Variants in TMEM64 observed in about 807,000 individuals in gnomAD.
TMEM64 encodes the protein transmembrane protein 64.
Under a neutral mutation model 24.5 loss-of-function variants are expected in TMEM64, and 19 were observed. The observed-to-expected ratio is 0.78, with a 90% CI of 0.54 to 1.14. TMEM64 has a LOEUF of 1.14. Among genes scored for constraint, TMEM64 ranks in the 50% most tolerant of loss-of-function variants. TMEM64 has a pLI of 0.00. For synonymous variants in TMEM64, 262 were observed against 224.7 expected, an observed-to-expected ratio of 1.17 and a Z score of -1.49; for missense variants, 487 against 493.0, an observed-to-expected ratio of 0.99 and a Z score of 0.12.
At chr8:90,627,053 A>AT (rs1278479041) in intron 2 of TMEM64, among the ~76,000 whole-genome samples, 1 of 152,196 alleles carries the variant, frequency 6.6e-6, no homozygotes, top group African/African-American at 2.4e-5. Context: ...AGCAGGTGTT[A>AT]TTTAATGTCC....
rs1260926080 is a variant in TMEM64 at position 90,622,565 on chromosome 8, T to C, written c.*3106A>G. 1.3e-5 allele frequency: 2 copies of C among 152,200 alleles called. No individual in the cohort carries two copies. The highest frequency in any genetic ancestry group is 2.9e-5 in the Non-Finnish European group (2 of 68,048). 9.4% of individuals were successfully genotyped at this position (152,200 alleles called of 1,614,324 possible). On this transcript the variant is annotated 3_prime_UTR_variant, in exon 3 of 3. Coordinates refer to ENST00000458549, the MANE Select transcript of TMEM64 (RefSeq NM_001008495.4). ...AACTTTCTCAAGCATTCTAAAGATA[T>C]CCCCAGAGCTAACAAATATTGACAT...
chr8:90,637,161 A>C (rs1472953479), intron 1 of TMEM64, among the ~76,000 whole-genome samples: 1 of 152,182 alleles, frequency 6.6e-6, no homozygotes, highest in Admixed American at 6.5e-5. Flanking sequence ...GAAGAGCAAG[A>C]GCTGATTCAC....
rs776979338 is a variant in TMEM64, at chr8:90,645,707, C to T, written c.199G>A (p.Gly67Ser). ...AAAAASGALL[G>S]AYLERHGPPE... The stretch of plus-strand genomic sequence containing the variant: ...GGACCGTGGCGCTCCAGATAGGCGC[C>T]GAGCAGGGCGCCCGAGGCCGCCGCT... Residue 67 changes from glycine (G) to serine (S), a missense_variant, in exon 1 of 3, where the codon GGC becomes AGC. Around this residue, in one of 3 missense-constraint regions of TMEM64, gnomAD observed 419 missense variants for 407.5 expected, o/e 1.03. Coordinates refer to ENST00000458549, the MANE Select transcript of TMEM64 (RefSeq NM_001008495.4). The surrounding 1 kb of genome is among the most constrained non-coding windows in gnomAD (Gnocchi z 4.2). The T allele has an allele frequency of 1.4e-5, 17 of 1,250,238 alleles. No individual in the cohort carries two copies. The highest frequency in any genetic ancestry group is 3.1e-4 in the Middle Eastern group (1 of 3,274). 77.4% of individuals were successfully genotyped at this position (1,250,238 alleles called of 1,614,324 possible).
In TMEM64 at chr8:90,645,843, G is replaced by A. The variant is rs1396084306; in HGVS notation, c.63C>T (p.Leu21=). 3.6e-6 allele frequency: 4 copies of A among 1,110,106 alleles called. No homozygotes were observed. The highest frequency in any genetic ancestry group is 4.3e-5 in the South Asian group (1 of 23,260). The allele number at this position is 1,110,106 out of a possible 1,614,324, so 68.8% of individuals were successfully genotyped here. The change falls in exon 1 of 3, where the codon CTC becomes CTT. Residue 21 remains leucine, a synonymous_variant. Coordinates refer to ENST00000458549, the MANE Select transcript of TMEM64 (RefSeq NM_001008495.4). The surrounding 1 kb of genome is among the most constrained non-coding windows in gnomAD (Gnocchi z 4.2). ...GGGCCGGCAGCTCGGCGAGGCCCGG[G>A]AGGGCGGCGTGCTGCAGCAGCCGGG... ...ALPRLLQHAA[L]PGLAELPARW... is the part of the protein sequence containing the mutation.
chr8:90,628,325 C>T (rs1809391315), intron 2 of TMEM64, among the ~76,000 whole-genome samples: 2 of 152,146 alleles, frequency 1.3e-5, no homozygotes, highest in South Asian at 4.1e-4. Context: ...TCAGGGGTTT[C>T]TCAGTTGAAG....
At chr8:90,631,886 T>C (rs1025294100) in intron 1 of TMEM64, among the ~76,000 whole-genome samples, 179 bp from the exon 2 acceptor site, 8 of 152,210 alleles carry the variant, frequency 5.3e-5, no homozygotes, top group Admixed American at 2.0e-4. Flanking sequence ...ATGTAGAAAA[T>C]TTAGAATGAA....
At chr8:90,642,414 T>A (rs372833784) in intron 1 of TMEM64, among the ~76,000 whole-genome samples, 2 of 112,178 alleles carry the variant, frequency 1.8e-5, no homozygotes, top group African/African-American at 6.9e-5. Context: ...TTAACTGGAA[T>A]TTTTTTCTTT....
chr8:90,641,295 CCAGTAA>C (rs1809601125), intron 1 of TMEM64, among the ~76,000 whole-genome samples: 1 of 152,130 alleles, frequency 6.6e-6, no homozygotes, highest in African/African-American at 2.4e-5. Context: ...CAGCTGTATT[CCAGTAA>C]CACTATTTAC....
chr8:90,631,598 A>T lies in TMEM64; in HGVS notation c.905T>A (p.Val302Asp). ...LGTTLRTMEDVIAEQSVSGYF... is the reference protein window; with the variant it reads ...LGTTLRTMEDDIAEQSVSGYF... ...TCCACTAACACTCTGTTCTGCAATG[A>T]CATCTTCCATTGTCCGCAGGGTGGT... The change falls in exon 2 of 3, where the codon GTC becomes GAC. Residue 302 changes from valine to aspartate, a missense_variant. Physicochemically the swap from Val to Asp is radical, Grantham distance 152. Transcript: ENST00000458549. 1.9e-6 allele frequency: 3 copies of T among 1,613,402 alleles called. No individual in the cohort carries two copies. Among genetic ancestry groups the T allele is most frequent in the Non-Finnish European group, 2.5e-6 (3 of 1,179,436 alleles).
At position 90,645,641 on chromosome 8, in the gene TMEM64, C is replaced by G; in HGVS notation, c.265G>C (p.Ala89Pro). The G allele has an allele frequency of 1.3e-6, 2 of 1,532,732 alleles. No individual in the cohort carries two copies. The highest frequency in any genetic ancestry group is 1.7e-6 in the Non-Finnish European group (2 of 1,144,624). 94.9% of individuals were successfully genotyped at this position (1,532,732 alleles called of 1,614,324 possible). ...SELPEPGGAL[A>P]GGPGSGGGGV... ...CCGCCGCCACTCCCGGGGCCGCCCG[C>G]CAAGGCCCCGCCCGGCTCCGGCAGC... The change falls in exon 1 of 3, where the codon GCG (alanine) becomes CCG (proline). Residue 89 changes from alanine to proline, a missense_variant. Physicochemically the swap from Ala to Pro is conservative, Grantham distance 27. Transcript: ENST00000458549. The surrounding 1 kb of genome is among the most constrained non-coding windows in gnomAD (Gnocchi z 4.2).
At position 90,622,687 on chromosome 8, in the gene TMEM64, TACA is replaced by T. The variant is rs1168347283; in HGVS notation, c.*2981_*2983del. ...TATGCTTATACCTGCACCACTTAGT[TACA>T]ACAAGGGGAAATAAGAGTAACTAAT... On this transcript the variant is annotated 3_prime_UTR_variant, in exon 3 of 3. Transcript: ENST00000458549. 1 of 152,176 alleles carries T rather than the reference TACA, an allele frequency of 6.6e-6. No individual in the cohort carries two copies. The highest frequency in any genetic ancestry group is 2.4e-5 in the African/African-American group (1 of 41,440). 9.4% of individuals were successfully genotyped at this position (152,176 alleles called of 1,614,324 possible).
Position 90,625,574 on chromosome 8 carries a change from T to G in TMEM64, c.*97A>C. Reference sequence around the variant, plus strand: ...AAAAACTAGTCAGTTTTGTTTGTGCTGTAATACAATTAGAACTTGTCTCTG... The same window carrying G: ...AAAAACTAGTCAGTTTTGTTTGTGCGGTAATACAATTAGAACTTGTCTCTG... On this transcript the variant is annotated 3_prime_UTR_variant, in exon 3 of 3. Coordinates refer to ENST00000458549, the MANE Select transcript of TMEM64 (RefSeq NM_001008495.4). The G allele has an allele frequency of 2.0e-6, 2 of 1,008,438 alleles. No homozygotes were observed. The highest frequency in any genetic ancestry group is 4.0e-5 in the South Asian group (2 of 49,574). The allele number at this position is 1,008,438 out of a possible 1,614,324, so 62.5% of individuals were successfully genotyped here. A position where few individuals can be genotyped will look rare whatever the true frequency, so the allele number is the denominator to read the frequency against.
chr8:90,640,313 A>G (rs900236139), intron 1 of TMEM64, among the ~76,000 whole-genome samples: 3 of 152,226 alleles, frequency 2.0e-5, no homozygotes. Flanking sequence ...CTCTATCTAC[A>G]GCACAGAATA....
chr8:90,645,348 G>A lies in TMEM64; in HGVS notation c.558C>T (p.Gly186=). 6.4e-7 allele frequency: 1 copy of A among 1,554,562 alleles called. No homozygotes were observed. The highest frequency in any genetic ancestry group is 8.7e-7 in the Non-Finnish European group (1 of 1,148,592). ...WGYIVLNVAA[G]YLYGFVLGMG... Reference sequence around the variant, plus strand: ...TGCCCAGCACGAAGCCGTACAGGTAGCCAGCGGCCACGTTGAGCACGATGT... The same window carrying A: ...TGCCCAGCACGAAGCCGTACAGGTAACCAGCGGCCACGTTGAGCACGATGT... Residue 186 remains glycine, a synonymous_variant, in exon 1 of 3, where the codon GGC becomes GGT. Coordinates refer to ENST00000458549, the MANE Select transcript of TMEM64 (RefSeq NM_001008495.4). The surrounding 1 kb of genome is among the most constrained non-coding windows in gnomAD (Gnocchi z 4.2).
chr8:90,631,768 A>T, intron 1 of TMEM64, 61 bp from the exon 2 acceptor site: 1 of 1,459,692 alleles, frequency 6.9e-7, no homozygotes, highest in Non-Finnish European at 9.5e-7. Flanking sequence ...TCAACATAAA[A>T]AAATGTGTGT....
At position 90,624,750 on chromosome 8, in the gene TMEM64, T is replaced by G. The variant is rs1809329445; in HGVS notation, c.*921A>C. 2 of 152,524 alleles carry G rather than the reference T, an allele frequency of 1.3e-5. No individual in the cohort carries two copies. Among genetic ancestry groups the G allele is most frequent in the South Asian group, 4.1e-4 (2 of 4,828 alleles). The allele number at this position is 152,524 out of a possible 1,614,324, so 9.4% of individuals were successfully genotyped here. Reference sequence around the variant, plus strand: ...TTGGTTTTTAAAAAAGGCGTTTTGATCAAACAAGGCCACCTGAGTGACATC... The same window carrying G: ...TTGGTTTTTAAAAAAGGCGTTTTGAGCAAACAAGGCCACCTGAGTGACATC... On this transcript the variant is annotated 3_prime_UTR_variant, in exon 3 of 3. Coordinates refer to ENST00000458549, the MANE Select transcript of TMEM64 (RefSeq NM_001008495.4).
rs554046956 is a variant in TMEM64, at chr8:90,623,022, G to A, written c.*2649C>T. ...ATACATTTTTTTTAAAGGTGCTATT[G>A]TAAAATAACCTACATGACAAAATTT... On this transcript the variant is annotated 3_prime_UTR_variant, in exon 3 of 3. Transcript: ENST00000458549. 8 of 151,972 alleles carry A rather than the reference G, an allele frequency of 5.3e-5. No individual in the cohort carries two copies. The highest frequency in any genetic ancestry group is 1.2e-4 in the Non-Finnish European group (8 of 67,988). The allele number at this position is 151,972 out of a possible 1,614,324, so 9.4% of individuals were successfully genotyped here.
At chr8:90,643,595 G>C (rs1017620872) in intron 1 of TMEM64, among the ~76,000 whole-genome samples, 1 of 152,114 alleles carries the variant, frequency 6.6e-6, no homozygotes, top group Non-Finnish European at 1.5e-5. Flanking sequence ...CACGGTAGAT[G>C]GACAAGAAAA....
At position 90,645,079 on chromosome 8, in the gene TMEM64, GGA is replaced by G; in HGVS notation, c.795+30_795+31del. ...CACAAGACCGCTCAAAAACAGACTTGGAGAGGGATAGGCCAGCGGGACCCCAC... is the reference window on the plus strand; with the variant it reads ...CACAAGACCGCTCAAAAACAGACTTGGAGGGATAGGCCAGCGGGACCCCAC... On this transcript the variant is annotated intron_variant, in intron 1 of 2. Transcript: ENST00000458549. The surrounding 1 kb of genome is among the most constrained non-coding windows in gnomAD (Gnocchi z 4.2). 1 of 1,574,844 alleles carries G rather than the reference GGA, an allele frequency of 6.3e-7. No homozygotes were observed. Among genetic ancestry groups the G allele is most frequent in the Non-Finnish European group, 8.7e-7 (1 of 1,155,838 alleles).
Sources: allele counts gnomAD v4.1 joint callset (sites outside exome capture counted in the v4.1 genomes callset), GRCh38; gene constraint gnomAD v4.1.1; regional missense constraint gnomAD v4.1.1; non-coding constraint Gnocchi (gnomAD v3.1); transcripts MANE v1.5; gene names NCBI Gene and HGNC (gene_info 2026-07-23, HGNC 2026-07-21).